Variants in CHD9 observed in about 807,000 individuals in gnomAD.
The protein encoded by CHD9 is ATP-dependent chromatin remodeler CHD9.
A neutral mutation model predicts 316.1 loss-of-function variants in CHD9; 77 were observed. The observed-to-expected ratio is 0.24, with a 90% CI of 0.20 to 0.29. The LOEUF is 0.29. Among genes scored for constraint, CHD9 ranks in the 10% least tolerant of loss-of-function variants. The pLI is 1.00. For missense variants in CHD9, 2,763 were observed against 3,438.1 expected, an observed-to-expected ratio of 0.80 and a Z score of 4.91; for synonymous variants, 1,129 against 1,158.3, an observed-to-expected ratio of 0.97 and a Z score of 0.51.
At chr16:53,203,885 G>A (rs1001421376) in intron 2 of CHD9, among the ~76,000 whole-genome samples, 27 of 151,188 alleles carry the variant, frequency 1.8e-4, no homozygotes, top group Non-Finnish European at 3.0e-4. Flanking sequence ...TTAGCCGGGC[G>A]TGGTGGCGGG....
At chr16:53,082,217 T>C (rs1380785677) in intron 1 of CHD9, among the ~76,000 whole-genome samples, 1 of 149,758 alleles carries the variant, frequency 6.7e-6, no homozygotes, top group African/African-American at 2.5e-5. Flanking sequence ...TATTTATTTA[T>C]TTATTTATTT....
intron 1 of CHD9, among the ~76,000 whole-genome samples, chr16:53,133,238 A>G (rs2039463658): frequency 1.3e-5 from 2 of 152,160 alleles, no homozygotes; most frequent in South Asian, 4.1e-4. Context: ...CTTGTGATTA[A>G]TTGACCAGGA....
In CHD9 at chr16:53,326,522, T is replaced by A. The variant is rs1354616766; in HGVS notation, c.*1627T>A. ...CCCTTATTAGAGAGACAGTGTTATATGTATTTACAAAATTATATAAGTTCC... is the reference window on the plus strand; with the variant it reads ...CCCTTATTAGAGAGACAGTGTTATAAGTATTTACAAAATTATATAAGTTCC... On this transcript the variant is annotated 3_prime_UTR_variant, in exon 39 of 39. Transcript: ENST00000447540. 4 of 152,502 alleles carry A rather than the reference T, an allele frequency of 2.6e-5. No homozygotes were observed. Among genetic ancestry groups the A allele is most frequent in the Admixed American group, 2.0e-4 (3 of 15,258 alleles). 9.4% of individuals were successfully genotyped at this position (152,502 alleles called of 1,614,324 possible). A position where few individuals can be genotyped will look rare whatever the true frequency, so the allele number is the denominator to read the frequency against.
At chr16:53,306,431 T>A (rs766704142) in intron 32 of CHD9, 34 bp downstream of exon 32, 3 of 1,500,794 alleles carry the variant, frequency 2.0e-6, no homozygotes, top group Non-Finnish European at 2.7e-6. Flanking sequence ...GATAGGTCAT[T>A]TTTTAGTATT....
intron 2 of CHD9, among the ~76,000 whole-genome samples, chr16:53,169,644 C>T (rs924354006): frequency 3.3e-5 from 5 of 152,136 alleles, no homozygotes; most frequent in African/African-American, 9.6e-5. Context: ...TTTGGCTGAA[C>T]CATTTGACAG....
rs542433148 is a variant in CHD9, at chr16:53,174,265, T to A, written c.1452+16724T>A. ...TGCCACTACAGACTGCAGTCCAGCC[T>A]GGTTGATGGAGTGAAACCCTGTCTC... On this transcript the variant is annotated intron_variant, in intron 2 of 38. Transcript: ENST00000447540. 4.7e-4 allele frequency among the ~76,000 whole-genome samples: 72 copies of A among 152,316 alleles called. 2 individuals carry two copies. In the South Asian group the frequency reaches 0.013, roughly 28 times the overall value.
intron 1 of CHD9, among the ~76,000 whole-genome samples, chr16:53,098,165 T>C (rs1390284261): frequency 6.6e-6 from 1 of 151,492 alleles, no homozygotes; most frequent in Non-Finnish European, 1.5e-5. Context: ...TTCAGACATT[T>C]CTGTAAACCA....
chr16:53,315,794 A>C (rs2056838633), intron 36 of CHD9, among the ~76,000 whole-genome samples: 1 of 152,042 alleles, frequency 6.6e-6, no homozygotes, highest in South Asian at 2.1e-4. Context: ...CTGTTTTATA[A>C]ATGAAATTAA....
At chr16:53,270,097 TG>T (rs2052090837) in intron 22 of CHD9, among the ~76,000 whole-genome samples, 1 of 151,638 alleles carries the variant, frequency 6.6e-6, no homozygotes, top group Non-Finnish European at 1.5e-5. Context: ...CTCAAACTCC[TG>T]GGCTCAAGTG....
At chr16:53,250,255 T>G (rs912214228) in intron 17 of CHD9, 189 bp downstream of exon 17, 17 of 558,516 alleles carry the variant, frequency 3.0e-5, no homozygotes, top group African/African-American at 2.7e-4. Flanking sequence ...TGACAAAAAT[T>G]TTTACTTTTT....
intron 2 of CHD9, among the ~76,000 whole-genome samples, chr16:53,196,030 T>G (rs1330375851): frequency 6.6e-6 from 1 of 152,136 alleles, no homozygotes; most frequent in East Asian, 1.9e-4. Flanking sequence ...AGTGCTGAGA[T>G]TACAGGCATG....
intron 4 of CHD9, among the ~76,000 whole-genome samples, chr16:53,225,905 C>G (rs1442781992): frequency 1.3e-5 from 2 of 151,888 alleles, no homozygotes; most frequent in African/African-American, 4.8e-5. Flanking sequence ...AGGTTTTGGA[C>G]TAAAACTGTG....
chr16:53,256,907 A>G (rs2050658007), intron 19 of CHD9, among the ~76,000 whole-genome samples: 1 of 152,150 alleles, frequency 6.6e-6, no homozygotes, highest in African/African-American at 2.4e-5. Context: ...AAAGTAAGAT[A>G]CCAGCCTTCA....
Position 53,324,885 on chromosome 16 carries a change from A to C in CHD9, c.8684A>C (p.Asn2895Thr). The stretch of plus-strand genomic sequence containing the variant: ...TCATCTGAGGATTCAGATTCTAGTA[A>C]TGAAGACTGATTCCCAGACTCTGCA... Reference protein sequence around the residue: ...SSSSEDSDSSNED With the variant: ...SSSSEDSDSSTED The change falls in exon 39 of 39, where the codon AAT (asparagine) becomes ACT (threonine). Residue 2895 changes from asparagine (N) to threonine (T), a missense_variant. By Grantham distance (65) the Asn-to-Thr change is moderately conservative. Around this residue, in one of 15 missense-constraint regions of CHD9, gnomAD observed 298 missense variants for 380.2 expected, o/e 0.78. Coordinates refer to ENST00000447540, the MANE Select transcript of CHD9 (RefSeq NM_001308319.2). 6.3e-7 allele frequency: 1 copy of C among 1,585,136 alleles called. No homozygotes were observed. The highest frequency in any genetic ancestry group is 2.2e-5 in the East Asian group (1 of 44,586).
intron 1 of CHD9, among the ~76,000 whole-genome samples, chr16:53,073,648 C>T: frequency 6.6e-6 from 1 of 152,200 alleles, no homozygotes; most frequent in East Asian, 1.9e-4. Flanking sequence ...TTCCTCAGTA[C>T]TGTTCTCGTG....
chr16:53,206,551 T>G (rs890626275), intron 2 of CHD9, among the ~76,000 whole-genome samples: 5 of 152,182 alleles, frequency 3.3e-5, no homozygotes, highest in African/African-American at 1.2e-4. Flanking sequence ...TGCTCCACTA[T>G]TCAGTAGCTG....
chr16:53,068,371 C>T (rs912097248), intron 1 of CHD9, among the ~76,000 whole-genome samples: 1 of 152,138 alleles, frequency 6.6e-6, no homozygotes, highest in Admixed American at 6.6e-5. Flanking sequence ...ATTCCTGCAC[C>T]GAGTTGCATT....
At chr16:53,088,840 G>A (rs899010963) in intron 1 of CHD9, among the ~76,000 whole-genome samples, 1 of 151,892 alleles carries the variant, frequency 6.6e-6, no homozygotes, top group Non-Finnish European at 1.5e-5. Flanking sequence ...TCAGCCGGGC[G>A]TGGTGGCTCA....
chr16:53,225,113 C>T (rs2047543051), intron 4 of CHD9, among the ~76,000 whole-genome samples: 2 of 152,124 alleles, frequency 1.3e-5, no homozygotes, highest in Admixed American at 6.5e-5. Context: ...AGAGGCATGA[C>T]TGCATGCATA....
Sources: gnomAD v4.1 joint callset for allele counts (sites outside exome capture counted in the v4.1 genomes callset) on GRCh38, gnomAD v4.1.1 for gene constraint, gnomAD v4.1.1 regional missense constraint, MANE v1.5 for transcripts, NCBI Gene and HGNC (gene_info 2026-07-23, HGNC 2026-07-21) for gene names.